Variants in IL1RAPL2 observed in about 807,000 individuals in gnomAD.
The protein encoded by IL1RAPL2 is interleukin 1 receptor accessory protein like 2, also known as X-linked interleukin-1 receptor accessory protein-like 2.
In IL1RAPL2, 3 loss-of-function variants were observed where a neutral mutation model predicts 44.1. The observed-to-expected ratio is 0.07, with a 90% confidence interval of 0.03 to 0.18. The LOEUF is 0.18. Among genes scored for constraint, IL1RAPL2 ranks in the 10% least tolerant of loss-of-function variants. The pLI, the probability that IL1RAPL2 is intolerant of heterozygous loss-of-function variation, is 1.00. For synonymous variants in IL1RAPL2, 181 were observed against 178.8 expected (o/e 1.01, Z -0.10); for missense variants, 391 against 496.4 (o/e 0.79, Z 2.02).
At chrX:104,682,869 A>T (rs1404288236) in intron 2 of IL1RAPL2, among the ~76,000 whole-genome samples, 1 of 111,714 alleles carries the variant, frequency 9.0e-6, no homozygotes, top group African/African-American at 3.2e-5. Context: ...ATATGTAAAG[A>T]TTGTCCTATC....
Position 104,696,294 on chromosome X carries a change from GA to G in IL1RAPL2, c.82+37301del, listed in dbSNP as rs1319616817. ...ATTACACAAGGTTAAACAGCTAATG[GA>G]ACTAACTTGTTCAGGAACCCAGGTG... On this transcript the variant is annotated intron_variant, in intron 2 of 10. Coordinates refer to ENST00000372582, the MANE Select transcript of IL1RAPL2 (RefSeq NM_017416.2). Among the ~76,000 whole-genome samples, 3 of 112,018 alleles carry G rather than the reference GA, an allele frequency of 2.7e-5. No individual in the cohort carries two copies. In the East Asian group the frequency reaches 8.4e-4, roughly 32 times the overall value.
intron 2 of IL1RAPL2, among the ~76,000 whole-genome samples, chrX:105,047,083 C>T (rs867952966): frequency 9.0e-6 from 1 of 111,260 alleles, no homozygotes. Flanking sequence ...GAACTTAACT[C>T]CCTGGATTTC....
rs759074760 is a variant in IL1RAPL2 at position 104,853,601 on chromosome X, A to G, written c.82+194606A>G. Among the ~76,000 whole-genome samples, 5 of 99,654 alleles carry G rather than the reference A, an allele frequency of 5.0e-5. No individual in the cohort carries two copies. The East Asian group carries it at 1.6e-3, about 32-fold the overall frequency. 86.5% of individuals were successfully genotyped at this position (99,654 alleles called of 115,157 possible). A position where few individuals can be genotyped will look rare whatever the true frequency, so the allele number is the denominator to read the frequency against. The stretch of plus-strand genomic sequence containing the variant: ...ATGAAGAGCATGACTTAGTTTGTCC[A>G]GAGGATTTGTGTTGCAGGGTAGTGG... On this transcript the variant is annotated intron_variant, in intron 2 of 10. Transcript: ENST00000372582.
At chrX:105,193,467 A>G (rs1201009208) in intron 2 of IL1RAPL2, among the ~76,000 whole-genome samples, 2 of 112,098 alleles carry the variant, frequency 1.8e-5, no homozygotes, top group Non-Finnish European at 3.8e-5. Context: ...GCATGCAAAC[A>G]GTATCACAGA....
chrX:104,714,063 T>A (rs1931510331), intron 2 of IL1RAPL2, among the ~76,000 whole-genome samples: 1 of 110,590 alleles, frequency 9.0e-6, no homozygotes, highest in African/African-American at 3.3e-5. Context: ...CATCTGCAAA[T>A]AGGGATAGTT....
chrX:105,410,472 G>T (rs1017014422), intron 5 of IL1RAPL2, among the ~76,000 whole-genome samples: 6 of 110,663 alleles, frequency 5.4e-5, no homozygotes, highest in Admixed American at 9.6e-5. Flanking sequence ...GCGCAAAGTG[G>T]AGACTATTGA....
chrX:105,732,128 CTATATT>C (rs974765606), intron 7 of IL1RAPL2, among the ~76,000 whole-genome samples: 8 of 111,672 alleles, frequency 7.2e-5, no homozygotes, highest in African/African-American at 1.9e-4. Flanking sequence ...TAAACATCTA[CTATATT>C]TATAACAGTT....
At chrX:105,031,284 A>T (rs1426266623) in intron 2 of IL1RAPL2, among the ~76,000 whole-genome samples, 1 of 107,213 alleles carries the variant, frequency 9.3e-6, no homozygotes, top group Non-Finnish European at 1.9e-5. Flanking sequence ...CACTATGTTG[A>T]ATAGGAGTGG....
intron 2 of IL1RAPL2, among the ~76,000 whole-genome samples, chrX:105,134,031 A>C (rs927919878): frequency 2.7e-5 from 3 of 111,756 alleles, no homozygotes; most frequent in African/African-American, 9.7e-5. Flanking sequence ...GATACATTAT[A>C]GCTTTGTGTT....
chrX:105,223,098 C>T (rs1312887793), intron 3 of IL1RAPL2, among the ~76,000 whole-genome samples: 2 of 107,149 alleles, frequency 1.9e-5, no homozygotes, highest in Non-Finnish European at 3.8e-5. Flanking sequence ...TGCAGTGAGC[C>T]GAGATCATGC....
chrX:105,639,688 G>A (rs184558208), intron 6 of IL1RAPL2, among the ~76,000 whole-genome samples: 7 of 110,446 alleles, frequency 6.3e-5, no homozygotes, highest in Admixed American at 9.6e-5. Flanking sequence ...CTTTATTTTA[G>A]AATAACCATC....
intron 1 of IL1RAPL2, among the ~76,000 whole-genome samples, chrX:104,654,806 G>T (rs1321822009): frequency 9.0e-6 from 1 of 111,127 alleles, no homozygotes; most frequent in South Asian, 3.8e-4. Flanking sequence ...TATCCATGAG[G>T]ACAGGATGTT....
intron 2 of IL1RAPL2, among the ~76,000 whole-genome samples, chrX:105,122,470 A>G (rs1391938002): frequency 2.7e-5 from 3 of 111,717 alleles, no homozygotes; most frequent in Non-Finnish European, 5.7e-5. Context: ...AGAGACAGAC[A>G]GTATCCATAG....
At chrX:104,827,206 G>A (rs767565069) in intron 2 of IL1RAPL2, among the ~76,000 whole-genome samples, 9 of 110,390 alleles carry the variant, frequency 8.2e-5, no homozygotes, top group Non-Finnish European at 1.1e-4. Context: ...AGTTGATGCA[G>A]TTTCTTCATA....
chrX:105,343,893 T>C (rs900123287), intron 5 of IL1RAPL2, among the ~76,000 whole-genome samples: 1 of 110,453 alleles, frequency 9.1e-6, no homozygotes, highest in Admixed American at 9.6e-5. Context: ...TTTTTTTTTT[T>C]CTTTCTTTTT....
At chrX:105,408,009 A>C (rs2035661468) in intron 5 of IL1RAPL2, among the ~76,000 whole-genome samples, 1 of 112,058 alleles carries the variant, frequency 8.9e-6, no homozygotes, top group Admixed American at 9.4e-5. Context: ...AATAGATACT[A>C]AATCCAGAGC....
At chrX:105,143,064 T>C (rs1253440686) in intron 2 of IL1RAPL2, among the ~76,000 whole-genome samples, 1 of 111,311 alleles carries the variant, frequency 9.0e-6, no homozygotes, top group Non-Finnish European at 1.9e-5. Flanking sequence ...TCTTTGCTAT[T>C]GTGAACAGTG....
intron 6 of IL1RAPL2, among the ~76,000 whole-genome samples, chrX:105,576,542 C>A (rs1198785092): frequency 9.0e-6 from 1 of 111,326 alleles, no homozygotes; most frequent in Admixed American, 9.6e-5. Flanking sequence ...ACAAGCACAT[C>A]CCCATACTGG....
At chrX:105,596,461 A>C (rs772829568) in intron 6 of IL1RAPL2, among the ~76,000 whole-genome samples, 48 of 110,482 alleles carry the variant, frequency 4.3e-4, no homozygotes, top group Non-Finnish European at 8.9e-4. Flanking sequence ...GTAATTGTGA[A>C]TTTTCCAGTT....
Sources: gnomAD v4.1 joint callset for allele counts (sites outside exome capture counted in the v4.1 genomes callset) on GRCh38, gnomAD v4.1.1 for gene constraint, MANE v1.5 for transcripts, NCBI Gene and HGNC (gene_info 2026-07-23, HGNC 2026-07-21) for gene names.